The following CNTN5 variants were observed in gnomAD, a reference collection of about 807,000 sequenced individuals.
CNTN5 encodes the protein contactin 5, also known as contactin-5.
A neutral mutation model predicts 129.1 loss-of-function variants in CNTN5; 77 were observed. That is an observed-to-expected ratio of 0.60 (90% CI 0.50 to 0.72). The LOEUF (loss-of-function observed/expected upper bound fraction) is 0.72. Among genes scored for constraint, CNTN5 ranks in the 30% least tolerant of loss-of-function variants. CNTN5 has a pLI of 0.00. For synonymous variants in CNTN5, 509 were observed against 465.6 expected (o/e 1.09, Z -1.20); for missense variants, 1,478 against 1,328.8 (o/e 1.11, Z -1.75).
intron 3 of CNTN5, among the ~76,000 whole-genome samples, chr11:99,806,225 C>T (rs907688954): frequency 6.6e-6 from 1 of 152,052 alleles, no homozygotes; most frequent in Non-Finnish European, 1.5e-5. Context: ...CAGTATTGTA[C>T]CTGACCTAAG....
intron 2 of CNTN5, among the ~76,000 whole-genome samples, chr11:99,338,959 ATGTGTGTGTTTG>A (rs1866381406): frequency 1.7e-5 from 2 of 118,106 alleles, no homozygotes; most frequent in African/African-American, 5.4e-5. Flanking sequence ...TGTGATATAT[ATGTGTGTGTTTG>A]TGTGTGTGTG....
At chr11:99,133,279 G>A (rs528265685) in intron 1 of CNTN5, among the ~76,000 whole-genome samples, 1 of 152,032 alleles carries the variant, frequency 6.6e-6, no homozygotes, top group South Asian at 2.1e-4. Flanking sequence ...AGACTTAAAT[G>A]TAAAACCAAA....
At chr11:99,902,148 G>A (rs541147131) in intron 6 of CNTN5, among the ~76,000 whole-genome samples, 127 of 151,878 alleles carry the variant, frequency 8.4e-4, no homozygotes, top group African/African-American at 3.0e-3. Context: ...CTTTCTAATA[G>A]TAGAAGATTA....
At chr11:100,182,341 G>A (rs1401757229) in intron 13 of CNTN5, among the ~76,000 whole-genome samples, 4 of 151,902 alleles carry the variant, frequency 2.6e-5, no homozygotes. Flanking sequence ...CCCTCTTTTT[G>A]GTTTACAGAT....
intron 12 of CNTN5, among the ~76,000 whole-genome samples, chr11:100,073,317 G>A (rs150632524): frequency 6.6e-6 from 1 of 152,146 alleles, no homozygotes; most frequent in Non-Finnish European, 1.5e-5. Context: ...AAAGTGCTAG[G>A]ATTACAGATA....
chr11:99,982,501 A>T (rs1938410222), intron 8 of CNTN5, among the ~76,000 whole-genome samples: 1 of 152,192 alleles, frequency 6.6e-6, no homozygotes, highest in African/African-American at 2.4e-5. Flanking sequence ...AAAAGAAGCA[A>T]CACAGAGAAG....
chr11:99,832,753 C>G (rs533535800), intron 4 of CNTN5, among the ~76,000 whole-genome samples: 1 of 152,222 alleles, frequency 6.6e-6, no homozygotes, highest in African/African-American at 2.4e-5. Context: ...ATAAAGTATA[C>G]TAATGATCAT....
At chr11:100,311,624 T>C (rs1395442111) in intron 21 of CNTN5, among the ~76,000 whole-genome samples, 1 of 151,928 alleles carries the variant, frequency 6.6e-6, no homozygotes, top group Non-Finnish European at 1.5e-5. Context: ...AGGGTCTGGC[T>C]GAAGAAACTA....
At chr11:99,271,862 A>C (rs908487195) in intron 1 of CNTN5, among the ~76,000 whole-genome samples, 3 of 151,838 alleles carry the variant, frequency 2.0e-5, no homozygotes, top group African/African-American at 7.2e-5. Context: ...AAAAGATAGA[A>C]GCCTCAATGT....
intron 3 of CNTN5, among the ~76,000 whole-genome samples, chr11:99,720,739 C>G (rs548663779): frequency 3.9e-4 from 59 of 152,178 alleles, no homozygotes; most frequent in Non-Finnish European, 6.3e-4. Context: ...GATTCTATAG[C>G]AGGAAAACCC....
intron 1 of CNTN5, among the ~76,000 whole-genome samples, chr11:99,073,067 C>T (rs772572023): frequency 2.6e-5 from 4 of 152,124 alleles, no homozygotes; most frequent in Non-Finnish European, 5.9e-5. Flanking sequence ...TTCGCTCCTT[C>T]GTTTTAACTT....
chr11:100,009,032 A>G (rs887755661), intron 9 of CNTN5, among the ~76,000 whole-genome samples: 4 of 152,046 alleles, frequency 2.6e-5, no homozygotes, highest in Non-Finnish European at 5.9e-5. Context: ...TCTTTCCCAT[A>G]TTCTTTAAGA....
chr11:99,174,959 C>T (rs779752698), intron 1 of CNTN5, among the ~76,000 whole-genome samples: 9 of 152,122 alleles, frequency 5.9e-5, no homozygotes, highest in Non-Finnish European at 1.0e-4. Flanking sequence ...TAAGGCCAGG[C>T]ATGGTGGCTC....
intron 8 of CNTN5, among the ~76,000 whole-genome samples, chr11:99,980,048 T>C (rs1157167552): frequency 2.0e-5 from 3 of 152,224 alleles, no homozygotes; most frequent in Non-Finnish European, 1.5e-5. Flanking sequence ...TTATTCATCA[T>C]TAGTCTTGTA....
chr11:99,030,818 T>C (rs1008300238), intron 1 of CNTN5, among the ~76,000 whole-genome samples: 2 of 146,784 alleles, frequency 1.4e-5, no homozygotes, highest in Non-Finnish European at 3.0e-5. Context: ...TCTCGCTCTG[T>C]CGCCCAGGCT....
chr11:100,195,551 T>G (rs2138523294), intron 15 of CNTN5, among the ~76,000 whole-genome samples: 1 of 151,956 alleles, frequency 6.6e-6, no homozygotes, highest in South Asian at 2.1e-4. Flanking sequence ...TACAACCCAC[T>G]TTGAAATTAG....
chr11:99,643,713 T>A (rs1951850648), intron 3 of CNTN5, among the ~76,000 whole-genome samples: 1 of 152,140 alleles, frequency 6.6e-6, no homozygotes. Context: ...ACTTTCTGAC[T>A]GTGAGCCACA....
intron 13 of CNTN5, among the ~76,000 whole-genome samples, chr11:100,081,183 CATTTTATTAT>C (rs1381975478): frequency 8.6e-5 from 13 of 151,994 alleles, no homozygotes; most frequent in African/African-American, 3.1e-4. Flanking sequence ...AAAGCATTAG[CATTTTATTAT>C]ATTTTATTAG....
intron 6 of CNTN5, among the ~76,000 whole-genome samples, chr11:99,867,577 C>T (rs931189646): frequency 1.3e-5 from 2 of 152,074 alleles, no homozygotes; most frequent in Non-Finnish European, 2.9e-5. Context: ...TGATCTTTTT[C>T]TTCCATCTTA....
Sources: gnomAD v4.1 joint callset for allele counts (sites outside exome capture counted in the v4.1 genomes callset) on GRCh38, gnomAD v4.1.1 for gene constraint, MANE v1.5 for transcripts, NCBI Gene and HGNC (gene_info 2026-07-23, HGNC 2026-07-21) for gene names.